ADAMTSL1: variants seen among roughly 807,000 people sequenced by gnomAD.
ADAMTSL1 encodes the protein ADAMTS-like protein 1.
In ADAMTSL1, 126 loss-of-function variants were observed where a neutral mutation model predicts 201.8. The observed-to-expected ratio is 0.62, with a 90% CI of 0.54 to 0.72. The LOEUF is 0.72. ADAMTSL1 is among the 30% of genes least tolerant of loss of function. The pLI, the probability that ADAMTSL1 is intolerant of heterozygous loss-of-function variation, is 0.00. For missense variants in ADAMTSL1, 2,679 were observed against 2,277.8 expected, an observed-to-expected ratio of 1.18 and a Z score of -3.59; for synonymous variants, 1,121 against 903.4, an observed-to-expected ratio of 1.24 and a Z score of -4.32.
Position 18,887,831 on chromosome 9 carries a change from G to C in ADAMTSL1, c.4250G>C (p.Gly1417Ala). ...VLDPGNSALL[G>A]CPIKGHPVPN... ...CTTACTTCTTTTCCTCTCCTTCTAG[G>C]CTGCCCCATCAAAGGTCACCCTGTC... Residue 1417 changes from glycine to alanine, a missense_variant and splice_region_variant, in exon 24 of 29, where the codon GGC (glycine) becomes GCC (alanine). Coordinates refer to ENST00000380548, the MANE Select transcript of ADAMTSL1 (RefSeq NM_001040272.6). The C allele has an allele frequency of 6.2e-7, 1 of 1,613,266 alleles. No homozygotes were observed. Among genetic ancestry groups the C allele is most frequent in the Admixed American group, 1.7e-5 (1 of 59,950 alleles).
intron 2 of ADAMTSL1, among the ~76,000 whole-genome samples, chr9:18,254,130 G>T (rs1474828372): frequency 6.6e-6 from 1 of 152,012 alleles, no homozygotes; most frequent in Non-Finnish European, 1.5e-5. Flanking sequence ...AAGCTGTGTG[G>T]TCTTAGACTC....
chr9:18,287,515 T>G (rs1467332830), intron 2 of ADAMTSL1, among the ~76,000 whole-genome samples: 1 of 151,512 alleles, frequency 6.6e-6, no homozygotes, highest in Non-Finnish European at 1.5e-5. Flanking sequence ...TGCACATATG[T>G]AATATATTTA....
chr9:18,589,367 T>C (rs1035791291), intron 4 of ADAMTSL1, among the ~76,000 whole-genome samples: 1 of 152,180 alleles, frequency 6.6e-6, no homozygotes, highest in African/African-American at 2.4e-5. Flanking sequence ...TTGATTTATT[T>C]TTCAAATTGA....
At position 18,896,181 on chromosome 9, in the gene ADAMTSL1, C is replaced by T. The variant is rs144777121; in HGVS notation, c.4851+3585C>T. Among the ~76,000 whole-genome samples, 486 of 152,250 alleles carry T rather than the reference C, an allele frequency of 3.2e-3. 6 individuals carry two copies. The highest frequency in any genetic ancestry group is 0.011 in the African/African-American group (457 of 41,550). Reference sequence around the variant, plus strand: ...TATTTGCAGAAATAATGGCCAAAAACTTTCCAAATTTGATGAAAGACATGA... The same window carrying T: ...TATTTGCAGAAATAATGGCCAAAAATTTTCCAAATTTGATGAAAGACATGA... On this transcript the variant is annotated intron_variant, in intron 26 of 28. Transcript: ENST00000380548.
At chr9:18,403,650 C>G (rs188089907) in intron 2 of ADAMTSL1, among the ~76,000 whole-genome samples, 1 of 152,218 alleles carries the variant, frequency 6.6e-6, no homozygotes, top group East Asian at 1.9e-4. Context: ...AATTTTGGCA[C>G]CCTAAAGACA....
intron 2 of ADAMTSL1, among the ~76,000 whole-genome samples, chr9:18,413,209 C>T (rs942040646): frequency 4.7e-5 from 7 of 148,232 alleles, no homozygotes; most frequent in African/African-American, 1.5e-4. Context: ...AGTGCAGTGG[C>T]GCAATCTTGG....
intron 1 of ADAMTSL1, among the ~76,000 whole-genome samples, chr9:18,129,714 G>A (rs1200566659): frequency 6.6e-6 from 1 of 152,176 alleles, no homozygotes; most frequent in Non-Finnish European, 1.5e-5. Context: ...CATATTAGAA[G>A]AGAATGGATG....
chr9:18,181,803 T>G (rs371273550), intron 2 of ADAMTSL1, among the ~76,000 whole-genome samples: 1 of 151,862 alleles, frequency 6.6e-6, no homozygotes, highest in African/African-American at 2.4e-5. Flanking sequence ...ACCCAAAGGA[T>G]TATAAATCAT....
intron 1 of ADAMTSL1, among the ~76,000 whole-genome samples, chr9:17,962,092 G>A (rs1817780055): frequency 6.6e-6 from 1 of 152,164 alleles, no homozygotes; most frequent in Non-Finnish European, 1.5e-5. Context: ...GAGGTTGAGG[G>A]TCAGAGCTGG....
intron 1 of ADAMTSL1, among the ~76,000 whole-genome samples, chr9:17,946,963 T>G (rs1353634198): frequency 1.3e-5 from 2 of 152,062 alleles, no homozygotes; most frequent in African/African-American, 4.8e-5. Context: ...TATAGGACAC[T>G]AGGGTTGATT....
intron 3 of ADAMTSL1, among the ~76,000 whole-genome samples, chr9:18,565,483 A>G (rs1381494437): frequency 6.6e-6 from 1 of 152,078 alleles, no homozygotes; most frequent in African/African-American, 2.4e-5. Context: ...CTTTTGCACC[A>G]GGAAAAAGAA....
At chr9:18,199,144 G>C (rs1464568215) in intron 2 of ADAMTSL1, among the ~76,000 whole-genome samples, 2 of 151,468 alleles carry the variant, frequency 1.3e-5, no homozygotes, top group East Asian at 3.9e-4. Flanking sequence ...AGCATTGGAA[G>C]ATATACCTAA....
chr9:17,924,780 G>A (rs2131301867), intron 1 of ADAMTSL1, among the ~76,000 whole-genome samples: 1 of 118,552 alleles, frequency 8.4e-6, no homozygotes, highest in South Asian at 3.3e-4. Flanking sequence ...TTACCATTCA[G>A]GACATAGGCA....
At chr9:18,662,270 G>A (rs1829144457) in intron 9 of ADAMTSL1, among the ~76,000 whole-genome samples, 197 bp downstream of exon 9, 1 of 152,106 alleles carries the variant, frequency 6.6e-6, no homozygotes, top group Admixed American at 6.5e-5. Flanking sequence ...GGCCATCTCG[G>A]AGTCTACAGA....
At chr9:18,865,369 C>G (rs1165556705) in intron 23 of ADAMTSL1, among the ~76,000 whole-genome samples, 1 of 152,174 alleles carries the variant, frequency 6.6e-6, no homozygotes, top group Non-Finnish European at 1.5e-5. Context: ...AGGACATGAA[C>G]TCATCATTTT....
At chr9:18,774,251 A>AC (rs1360078818) in intron 17 of ADAMTSL1, among the ~76,000 whole-genome samples, 2 of 150,500 alleles carry the variant, frequency 1.3e-5, no homozygotes, top group Non-Finnish European at 3.0e-5. Flanking sequence ...TCATCATGTC[A>AC]CCCCCCTCTT....
At chr9:18,471,353 C>G (rs1390373599), upstream of ADAMTSL1, among the ~76,000 whole-genome samples, 2 of 152,152 alleles carry the variant, frequency 1.3e-5, no homozygotes, top group African/African-American at 4.8e-5. Flanking sequence ...ATGGCCAGTT[C>G]TAGCCAGCAA....
chr9:18,545,283 C>T (rs1030797122), intron 3 of ADAMTSL1, among the ~76,000 whole-genome samples: 1 of 152,090 alleles, frequency 6.6e-6, no homozygotes, highest in Non-Finnish European at 1.5e-5. Context: ...ACATGAAATG[C>T]CTTATTTAGG....
At chr9:18,162,260 CTT>C (rs1827422921) in intron 1 of ADAMTSL1, among the ~76,000 whole-genome samples, 1 of 152,028 alleles carries the variant, frequency 6.6e-6, no homozygotes, top group Non-Finnish European at 1.5e-5. Flanking sequence ...CTTTAAATCT[CTT>C]TGATTTCCCC....
Sources: gnomAD v4.1 joint callset for allele counts (sites outside exome capture counted in the v4.1 genomes callset) on GRCh38, gnomAD v4.1.1 for gene constraint, MANE v1.5 for transcripts, NCBI Gene and HGNC (gene_info 2026-07-23, HGNC 2026-07-21) for gene names.